Variants in INO80D observed in about 807,000 individuals in gnomAD.
The protein encoded by INO80D is INO80 complex subunit D.
Under a neutral mutation model 87.6 loss-of-function variants are expected in INO80D, and 21 were observed. The observed-to-expected ratio is 0.24, with a 90% CI of 0.17 to 0.35. The LOEUF (loss-of-function observed/expected upper bound fraction) is 0.35. INO80D is among the 10% of genes least tolerant of loss of function. The pLI is 1.00. For missense variants in INO80D, 982 were observed against 1,280.7 expected (o/e 0.77, Z 3.56); for synonymous variants, 440 against 491.0 (o/e 0.90, Z 1.37).
rs1687760976 is a variant in INO80D, at chr2:205,993,902, A to C, written c.*10466T>G. 6.6e-6 allele frequency: 1 copy of C among 152,260 alleles called. No homozygotes were observed. Among genetic ancestry groups the C allele is most frequent in the Non-Finnish European group, 1.5e-5 (1 of 68,044 alleles). The allele number at this position is 152,260 out of a possible 1,614,324, so 9.4% of individuals were successfully genotyped here. On this transcript the variant is annotated 3_prime_UTR_variant, in exon 11 of 11. Transcript: ENST00000403263. ...AAACCCTTAAACAAATTAAACAAGGACCAGATAACAAAAGGAGACCAATTC... is the reference window on the plus strand; with the variant it reads ...AAACCCTTAAACAAATTAAACAAGGCCCAGATAACAAAAGGAGACCAATTC...
In INO80D at chr2:206,056,934, G is replaced by A. The variant is rs759428217; in HGVS notation, c.228C>T (p.Asn76=). 2.5e-6 allele frequency: 4 copies of A among 1,587,838 alleles called. No homozygotes were observed. Among genetic ancestry groups the A allele is most frequent in the East Asian group, 4.5e-5 (2 of 44,404 alleles). Residue 76 remains asparagine (N), a synonymous_variant, in exon 4 of 11, where the codon AAC becomes AAT. Transcript: ENST00000403263. ...IPKSEDRRYC[N]SHLQVLGFIP... is the part of the protein sequence containing the mutation. ...TAAAGCCAAGTACCTGCAAGTGGCT[G>A]TTGCAGTACCTTTAAAATACACACA...
At chr2:206,032,897 A>C (rs1291859049) in intron 5 of INO80D, among the ~76,000 whole-genome samples, 3 of 152,226 alleles carry the variant, frequency 2.0e-5, no homozygotes, top group African/African-American at 7.2e-5. Flanking sequence ...AGGACCTATA[A>C]AACAAAAATA....
At chr2:206,052,257 G>A (rs818005) in intron 4 of INO80D, among the ~76,000 whole-genome samples, 50,683 of 151,936 alleles carry the variant, frequency 0.33, 9,020 homozygotes, top group South Asian at 0.58. Context: ...GTGCGATCTC[G>A]GCTCACTGCA....
intron 5 of INO80D, among the ~76,000 whole-genome samples, chr2:206,042,852 G>A (rs1368563903): frequency 6.6e-6 from 1 of 151,692 alleles, no homozygotes; most frequent in Non-Finnish European, 1.5e-5. Flanking sequence ...TGCACCTGTT[G>A]TCCCAGCTAC....
In INO80D at chr2:206,004,698, T is replaced by G. The variant is rs188633902; in HGVS notation, c.2754A>C (p.Leu918=). ...GADGHLLSTS[L]STPPTTSNSE... ...AGTTCGAAGTGGTGGGTGGCGTGGA[T>G]AGGGAAGTGGAAAGAAGATGTCCAT... is the stretch of plus-strand genomic sequence containing the variant. The change falls in exon 11 of 11, where the codon CTA becomes CTC. Residue 918 remains leucine, a synonymous_variant. Coordinates refer to ENST00000403263, the MANE Select transcript of INO80D (RefSeq NM_017759.5). The surrounding 1 kb of genome is among the most constrained non-coding windows in gnomAD (Gnocchi z 4.9). The G allele has an allele frequency of 8.5e-5, 137 of 1,613,352 alleles. No individual in the cohort carries two copies. In the African/African-American group the frequency reaches 1.6e-3, roughly 19 times the overall value.
intron 7 of INO80D, among the ~76,000 whole-genome samples, chr2:206,019,381 A>C (rs1039806353): frequency 2.0e-5 from 3 of 152,236 alleles, no homozygotes; most frequent in African/African-American, 7.2e-5. Context: ...TAGAAGACTA[A>C]AAACAGATTT....
rs1687993457 is a variant in INO80D, at chr2:206,005,222, G to T, written c.2230C>A (p.Pro744Thr). 2 of 1,613,952 alleles carry T rather than the reference G, an allele frequency of 1.2e-6. No individual in the cohort carries two copies. Among genetic ancestry groups the T allele is most frequent in the South Asian group, 1.1e-5 (1 of 91,080 alleles). The change falls in exon 11 of 11, where the codon CCA becomes ACA. Residue 744 changes from proline (P) to threonine (T), a missense_variant. Pro to Thr is a conservative substitution (Grantham distance 38, BLOSUM62 -1). Coordinates refer to ENST00000403263, the MANE Select transcript of INO80D (RefSeq NM_017759.5). ...ATCTGCCCTGCCAGGGGTGTAGGTG[G>T]GTTTGACAAGGTAGCAGAACGGAGC... ...NLLRSATLSN[P>T]PTPLAGQIQG...
chr2:206,004,820 C>A lies in INO80D; in HGVS notation c.2632G>T (p.Val878Leu), dbSNP rs779980723. 1 of 1,613,992 alleles carries A rather than the reference C, an allele frequency of 6.2e-7. No individual in the cohort carries two copies. The highest frequency in any genetic ancestry group is 8.5e-7 in the Non-Finnish European group (1 of 1,179,890). ...AQHLLPTQLEVPLGGVVNPRT... is the reference protein window; with the variant it reads ...AQHLLPTQLELPLGGVVNPRT... Reference sequence around the variant, plus strand: ...GGGTTTACCACGCCTCCAAGTGGCACCTCAAGTTGGGTTGGGAGCAAGTGC... The same window carrying A: ...GGGTTTACCACGCCTCCAAGTGGCAACTCAAGTTGGGTTGGGAGCAAGTGC... The change falls in exon 11 of 11, where the codon GTG becomes TTG. Residue 878 changes from valine to leucine, a missense_variant. Physicochemically the swap from Val to Leu is conservative, Grantham distance 32. Transcript: ENST00000403263. The surrounding 1 kb of genome is among the most constrained non-coding windows in gnomAD (Gnocchi z 4.9).
In INO80D at chr2:206,085,106, G is replaced by C. The variant is rs1283351619; in HGVS notation, c.-124+795C>G. Among the ~76,000 whole-genome samples, 2 of 151,994 alleles carry C rather than the reference G, an allele frequency of 1.3e-5. No homozygotes were observed. The highest frequency in any genetic ancestry group is 2.9e-5 in the Non-Finnish European group (2 of 67,984). ...AAAATAGCCGAGTGCGCTCCCCCAC[G>C]CCCTGGGGGGTCCCGGGCGCTAGGA... is the stretch of plus-strand genomic sequence containing the variant. On this transcript the variant is annotated intron_variant, in intron 1 of 10. Transcript: ENST00000403263. The surrounding 1 kb of genome is among the most constrained non-coding windows in gnomAD (Gnocchi z 4.5).
intron 1 of INO80D, among the ~76,000 whole-genome samples, chr2:206,078,774 G>A (rs1253536481): frequency 5.9e-5 from 9 of 151,918 alleles, no homozygotes; most frequent in Non-Finnish European, 7.4e-5. Flanking sequence ...GTGAAACCCC[G>A]TCTCTACTAA....
At chr2:206,082,936 T>C (rs1690324780) in intron 1 of INO80D, among the ~76,000 whole-genome samples, 1 of 152,218 alleles carries the variant, frequency 6.6e-6, no homozygotes, top group African/African-American at 2.4e-5. Flanking sequence ...GAATGGGATA[T>C]ACAAATTTCC....
chr2:206,046,442 T>C, intron 5 of INO80D, 62 bp downstream of exon 5: 3 of 1,146,718 alleles, frequency 2.6e-6, no homozygotes, highest in Non-Finnish European at 1.3e-6. Context: ...CACTCCAGCC[T>C]GGGTGACAGA....
In INO80D at chr2:205,999,108, C is replaced by A. The variant is rs1160712200; in HGVS notation, c.*5260G>T. On this transcript the variant is annotated 3_prime_UTR_variant, in exon 11 of 11. Coordinates refer to ENST00000403263, the MANE Select transcript of INO80D (RefSeq NM_017759.5). Reference sequence around the variant, plus strand: ...TTTAGCTGCACTGGAGCCTTCTGCACTGCGTGTTGAAAATTTTTCCAAGGG... The same window carrying A: ...TTTAGCTGCACTGGAGCCTTCTGCAATGCGTGTTGAAAATTTTTCCAAGGG... 6.6e-6 allele frequency: 1 copy of A among 152,228 alleles called. No homozygotes were observed. Among genetic ancestry groups the A allele is most frequent in the Non-Finnish European group, 1.5e-5 (1 of 68,072 alleles). 9.4% of individuals were successfully genotyped at this position (152,228 alleles called of 1,614,324 possible).
At chr2:206,060,713 A>C (rs1054731782) in intron 3 of INO80D, among the ~76,000 whole-genome samples, 17 of 151,878 alleles carry the variant, frequency 1.1e-4, no homozygotes, top group Admixed American at 1.1e-3. Flanking sequence ...GGCATGTGCC[A>C]CCACACCCGG....
chr2:206,081,931 C>G (rs1440257595), intron 1 of INO80D, among the ~76,000 whole-genome samples: 1 of 152,048 alleles, frequency 6.6e-6, no homozygotes, highest in Admixed American at 6.6e-5. Context: ...AATAACTTGC[C>G]CAGCGGAAGG....
At chr2:206,045,641 A>G (rs190270100) in intron 5 of INO80D, among the ~76,000 whole-genome samples, 45 of 152,186 alleles carry the variant, frequency 3.0e-4, no homozygotes, top group African/African-American at 1.0e-3. Flanking sequence ...AAAAAAACTG[A>G]AGAGAGCTGT....
chr2:206,083,498 C>A (rs1334269615), intron 1 of INO80D, among the ~76,000 whole-genome samples: 2 of 151,986 alleles, frequency 1.3e-5, no homozygotes, highest in African/African-American at 4.8e-5. Context: ...TTAAAACAAC[C>A]ATTAAATGTA....
In INO80D at chr2:206,001,917, G is replaced by A. The variant is rs1687913048; in HGVS notation, c.*2451C>T. 1.3e-5 allele frequency: 2 copies of A among 152,206 alleles called. No individual in the cohort carries two copies. Among genetic ancestry groups the A allele is most frequent in the Admixed American group, 1.3e-4 (2 of 15,270 alleles). 9.4% of individuals were successfully genotyped at this position (152,206 alleles called of 1,614,324 possible). ...TCATGCCTCCTTACTAGAAAGCAGA[G>A]AAGGGCTTTTAAATGCACATAAAAC... On this transcript the variant is annotated 3_prime_UTR_variant, in exon 11 of 11. Transcript: ENST00000403263.
At chr2:206,046,782 G>GTTTGTT (rs1047813512) in intron 4 of INO80D, among the ~76,000 whole-genome samples, 170 bp from the exon 5 acceptor site, 2 of 152,088 alleles carry the variant, frequency 1.3e-5, no homozygotes, top group African/African-American at 4.8e-5. Flanking sequence ...AAGATAATCG[G>GTTTGTT]TTTGTTTTTG....
Sources: allele counts gnomAD v4.1 joint callset (sites outside exome capture counted in the v4.1 genomes callset), GRCh38; gene constraint gnomAD v4.1.1; non-coding constraint Gnocchi (gnomAD v3.1); transcripts MANE v1.5; gene names NCBI Gene and HGNC (gene_info 2026-07-23, HGNC 2026-07-21).